IGFL2: variants seen among roughly 807,000 people sequenced by gnomAD.
IGFL2 encodes IGF like family member 2, also known as insulin growth factor-like family member 2.
IGFL2 carries 7 observed loss-of-function variants against 13.9 expected under a neutral mutation model. The observed-to-expected ratio is 0.51, with a 90% confidence interval of 0.29 to 0.95. The LOEUF (loss-of-function observed/expected upper bound fraction) is 0.95. Among genes scored for constraint, IGFL2 ranks in the 40% least tolerant of loss-of-function variants. IGFL2 has a pLI of 0.08. For synonymous variants in IGFL2, 55 were observed against 55.8 expected, an observed-to-expected ratio of 0.99 and a Z score of 0.07; for missense variants, 138 against 147.8, an observed-to-expected ratio of 0.93 and a Z score of 0.34.
chr19:46,139,081 T>C (rs1600860534), upstream of IGFL2, among the ~76,000 whole-genome samples: 1 of 151,988 alleles, frequency 6.6e-6, no homozygotes, highest in South Asian at 2.1e-4. Flanking sequence ...AGTGGGCCAC[T>C]CCATGCCTAT....
the IGFL2 span, chr19:46,111,334 G>T: frequency 6.6e-6 from 1 of 152,166 alleles, no homozygotes; most frequent in Non-Finnish European, 1.5e-5. Context: ...AAAAGTGAAG[G>T]TCTCAGTGTA....
the IGFL2 span, among the ~76,000 whole-genome samples, chr19:46,082,789 A>G: frequency 6.6e-6 from 1 of 152,192 alleles, no homozygotes; most frequent in Non-Finnish European, 1.5e-5. Context: ...ATGAGCCTAT[A>G]GATGTAACTC....
chr19:46,162,984 G>A (rs1568435832), downstream of IGFL2, among the ~76,000 whole-genome samples: 2 of 152,176 alleles, frequency 1.3e-5, no homozygotes, highest in Non-Finnish European at 2.9e-5. Flanking sequence ...TTTTCTGGAT[G>A]TTTTCCCTGG....
chr19:46,141,368 C>T (rs537762237), upstream of IGFL2, among the ~76,000 whole-genome samples: 1 of 152,046 alleles, frequency 6.6e-6, no homozygotes, highest in Non-Finnish European at 1.5e-5. Context: ...GTGATAGTCC[C>T]GGGTGTCTGG....
the IGFL2 span, chr19:46,119,939 G>C: frequency 4.4e-6 from 1 of 228,534 alleles, no homozygotes; most frequent in East Asian, 1.3e-4. Context: ...CAGAGGGAGT[G>C]TTACAGTCAG....
the IGFL2 span, among the ~76,000 whole-genome samples, chr19:46,177,780 A>G: frequency 1.3e-5 from 2 of 152,288 alleles, no homozygotes; most frequent in Non-Finnish European, 2.9e-5. Flanking sequence ...GCAGTGGGGC[A>G]GTGAGAGACC....
chr19:46,169,511 A>G, the IGFL2 span, among the ~76,000 whole-genome samples: 7 of 152,206 alleles, frequency 4.6e-5, no homozygotes, highest in Non-Finnish European at 8.8e-5. Context: ...TGTATTGGTG[A>G]TAGTGTTGGA....
chr19:46,170,686 A>AG, the IGFL2 span, among the ~76,000 whole-genome samples: 1 of 152,138 alleles, frequency 6.6e-6, no homozygotes, highest in East Asian at 1.9e-4. Flanking sequence ...ATGCCTTCCC[A>AG]GGGGGGCCTC....
At chr19:46,185,986 C>G in the IGFL2 span, among the ~76,000 whole-genome samples, 1,237 of 152,242 alleles carry the variant, frequency 8.1e-3, 17 homozygotes, top group African/African-American at 0.027. Flanking sequence ...GCCCGGCCTC[C>G]GTCCCATCTG....
downstream of IGFL2, among the ~76,000 whole-genome samples, chr19:46,164,830 G>T (rs747758178): frequency 2.0e-5 from 3 of 152,230 alleles, no homozygotes; most frequent in Non-Finnish European, 4.4e-5. Context: ...GCCCCACCTT[G>T]CTGTCTCACT....
At chr19:46,085,287 T>G in the IGFL2 span, among the ~76,000 whole-genome samples, 1 of 152,084 alleles carries the variant, frequency 6.6e-6, no homozygotes, top group African/African-American at 2.4e-5. Flanking sequence ...AACTTAAAGC[T>G]CCAAAATAGT....
chr19:46,155,757 G>A (rs1161500134), intron 1 of IGFL2, among the ~76,000 whole-genome samples: 1 of 152,196 alleles, frequency 6.6e-6, no homozygotes, highest in East Asian at 1.9e-4. Context: ...TTTGCCTGGT[G>A]AGTTGTAGTG....
At chr19:46,120,256 A>C in the IGFL2 span, 1 of 1,600,830 alleles carries the variant, frequency 6.2e-7, no homozygotes, top group Non-Finnish European at 8.5e-7. Context: ...CCGAAGTTCA[A>C]CTGTAGTCTC....
the IGFL2 span, among the ~76,000 whole-genome samples, chr19:46,135,798 A>G: frequency 6.6e-6 from 1 of 152,196 alleles, no homozygotes; most frequent in Non-Finnish European, 1.5e-5. Context: ...CAGTTGTGTA[A>G]ATGTTTATTA....
chr19:46,194,769 G>A, the IGFL2 span, among the ~76,000 whole-genome samples: 1 of 148,612 alleles, frequency 6.7e-6, no homozygotes, highest in African/African-American at 2.5e-5. Flanking sequence ...ATTGCAGTGA[G>A]CTGAGATTGT....
chr19:46,122,970 T>TA, the IGFL2 span, among the ~76,000 whole-genome samples: 2 of 150,456 alleles, frequency 1.3e-5, 1 homozygote, highest in African/African-American at 4.9e-5. Flanking sequence ...CTTTCCAGGG[T>TA]AAAAAAAATG....
the IGFL2 span, among the ~76,000 whole-genome samples, chr19:46,169,294 T>C: frequency 6.6e-6 from 1 of 152,140 alleles, no homozygotes; most frequent in Admixed American, 6.5e-5. Context: ...TGAATTTCAG[T>C]GGACTAAATT....
the IGFL2 span, among the ~76,000 whole-genome samples, chr19:46,093,546 T>C: frequency 4.6e-5 from 7 of 152,170 alleles, no homozygotes; most frequent in Admixed American, 4.6e-4. Flanking sequence ...CTGGAAGTCC[T>C]AGCTAGTGTA....
intron 1 of IGFL2, among the ~76,000 whole-genome samples, chr19:46,151,126 G>A (rs748320526): frequency 6.6e-6 from 1 of 152,106 alleles, no homozygotes; most frequent in Non-Finnish European, 1.5e-5. Context: ...ACTTCTATGA[G>A]TTCAACTCTT....
Sources: gnomAD v4.1 joint callset for allele counts (sites outside exome capture counted in the v4.1 genomes callset) on GRCh38, gnomAD v4.1.1 for gene constraint, MANE v1.5 for transcripts, NCBI Gene and HGNC (gene_info 2026-07-23, HGNC 2026-07-21) for gene names.